The following TYRO3 variants were observed in gnomAD, a reference collection of about 807,000 sequenced individuals.
The protein encoded by TYRO3 is tyrosine-protein kinase receptor TYRO3.
A neutral mutation model predicts 95.2 loss-of-function variants in TYRO3; 38 were observed. That is an observed-to-expected ratio of 0.40 (90% CI 0.31 to 0.52). The LOEUF (loss-of-function observed/expected upper bound fraction) is 0.52. Ranked by LOEUF, TYRO3 falls within the 20% of genes least tolerant of loss-of-function variation. The pLI, the probability that TYRO3 is intolerant of heterozygous loss-of-function variation, is 0.56. For missense variants in TYRO3, 812 were observed against 1,116.4 expected (o/e 0.73, Z 3.89); for synonymous variants, 367 against 432.9 (o/e 0.85, Z 1.89).
rs1356280228 is a variant in TYRO3, at chr15:41,581,381, T to G, written c.*3105T>G. On this transcript the variant is annotated 3_prime_UTR_variant, in exon 19 of 19. Coordinates refer to ENST00000263798, the MANE Select transcript of TYRO3 (RefSeq NM_006293.4). ...AAAGCAAATATCCTGAAAAACCTGT[T>G]GCTGGTACTCCAAATTCTGGTTCCC... The G allele has an allele frequency of 6.5e-6, 1 of 153,260 alleles. No homozygotes were observed. The highest frequency in any genetic ancestry group is 6.6e-5 in the Admixed American group (1 of 15,266). The allele number at this position is 153,260 out of a possible 1,614,324, so 9.5% of individuals were successfully genotyped here. A position where few individuals can be genotyped will look rare whatever the true frequency, so the allele number is the denominator to read the frequency against.
At chr15:41,561,940 GC>G in intron 3 of TYRO3, 1 of 281,366 alleles carries the variant, frequency 3.6e-6, no homozygotes, top group Non-Finnish European at 6.8e-6. Flanking sequence ...AAGTGGCCTG[GC>G]CAGCAGGGGG....
chr15:41,570,132 A>C lies in TYRO3; in HGVS notation c.1358A>C (p.Lys453Thr), dbSNP rs2055775844. 5.0e-6 allele frequency: 8 copies of C among 1,614,212 alleles called. No individual in the cohort carries two copies. The highest frequency in any genetic ancestry group is 1.3e-5 in the African/African-American group (1 of 75,052). ...AAALALILLR[K>T]RRKETRFGQA... ...GCCCTGGCCCTCATCCTGCTTCGAA[A>C]GAGACGGAAAGAGACGCGGTTTGGG... The change falls in exon 10 of 19, where the codon AAG (lysine) becomes ACG (threonine). Residue 453 changes from lysine (K) to threonine (T), a missense_variant. Physicochemically the swap from Lys to Thr is moderately conservative, Grantham distance 78. Transcript: ENST00000263798.
At position 41,570,341 on chromosome 15, in the gene TYRO3, G is replaced by A; in HGVS notation, c.1483+1G>A. ...AGGCCCGAGCGCATCGAGGCCACAT[G>A]TGAGTGGTGGGTGATCGTGGGAAGG... On this transcript the variant is annotated splice_donor_variant, in intron 11 of 18. Transcript: ENST00000263798. LOFTEE classifies it high-confidence loss of function. The A allele has an allele frequency of 9.7e-7, 1 of 1,030,140 alleles. No homozygotes were observed. The highest frequency in any genetic ancestry group is 1.5e-6 in the Non-Finnish European group (1 of 685,570). 63.8% of individuals were successfully genotyped at this position (1,030,140 alleles called of 1,614,324 possible).
intron 18 of TYRO3, chr15:41,574,784 AT>A (rs2055840963): frequency 2.2e-6 from 1 of 453,524 alleles, no homozygotes; most frequent in African/African-American, 2.0e-5. Flanking sequence ...CAGTGGCGTG[AT>A]CTCTGCTTAC....
chr15:41,577,913 T>G lies in TYRO3; in HGVS notation c.2310T>G (p.Ser770Arg). ...ATGATCTCATGTACCAGTGCTGGAGTGCTGACCCCAAGCAGCGCCCGAGCT... is the reference window on the plus strand; with the variant it reads ...ATGATCTCATGTACCAGTGCTGGAGGGCTGACCCCAAGCAGCGCCCGAGCT... Reference protein sequence around the residue: ...DVYDLMYQCWSADPKQRPSFT... With the variant: ...DVYDLMYQCWRADPKQRPSFT... Residue 770 changes from serine (S) to arginine (R), a missense_variant, in exon 19 of 19, where the codon AGT (serine) becomes AGG (arginine). Coordinates refer to ENST00000263798, the MANE Select transcript of TYRO3 (RefSeq NM_006293.4). 3 of 1,612,610 alleles carry G rather than the reference T, an allele frequency of 1.9e-6. No individual in the cohort carries two copies. The highest frequency in any genetic ancestry group is 2.5e-6 in the Non-Finnish European group (3 of 1,180,016).
At position 41,562,530 on chromosome 15, in the gene TYRO3, A is replaced by T. The variant is rs537089706; in HGVS notation, c.410-18A>T. Reference sequence around the variant, plus strand: ...CAAGAGGTGGCAGGGCTCACTCCTCACTCCCCTTCTCTCCTAGGTGTGCCA... The same window carrying T: ...CAAGAGGTGGCAGGGCTCACTCCTCTCTCCCCTTCTCTCCTAGGTGTGCCA... On this transcript the variant is annotated intron_variant, in intron 3 of 18. Transcript: ENST00000263798. 6.6e-7 allele frequency: 1 copy of T among 1,506,286 alleles called. No homozygotes were observed. The highest frequency in any genetic ancestry group is 1.4e-5 in the African/African-American group (1 of 72,012). The allele number at this position is 1,506,286 out of a possible 1,614,324, so 93.3% of individuals were successfully genotyped here. A position where few individuals can be genotyped will look rare whatever the true frequency, so the allele number is the denominator to read the frequency against.
Position 41,573,772 on chromosome 15 carries a change from G to A in TYRO3, c.2239G>A (p.Gly747Ser). The change falls in exon 18 of 19, where the codon GGC becomes AGC. Residue 747 changes from glycine to serine, a missense_variant. Transcript: ENST00000263798. ...CGCTGAGATTTACAACTACCTCATT[G>A]GCGGGAACCGCCTGAAACAGCCTCC... ...ENAEIYNYLI[G>S]GNRLKQPPEC... 6.2e-7 allele frequency: 1 copy of A among 1,614,276 alleles called. No individual in the cohort carries two copies. The highest frequency in any genetic ancestry group is 1.7e-5 in the Admixed American group (1 of 60,030).
At chr15:41,564,508 TGGGAGGGAGGGAAGGA>T (rs1011618591) in intron 5 of TYRO3, among the ~76,000 whole-genome samples, 1 of 151,938 alleles carries the variant, frequency 6.6e-6, no homozygotes, top group Admixed American at 6.6e-5. Context: ...GCAGAGTCCT[TGGGAGGGAGGGAAGGA>T]GGGAGGGAGG....
chr15:41,573,805 A>G lies in TYRO3; in HGVS notation c.2272A>G (p.Met758Val). The change falls in exon 18 of 19, where the codon ATG (methionine) becomes GTG (valine). Residue 758 changes from methionine to valine, a missense_variant. By Grantham distance (21) the Met-to-Val change is conservative. Coordinates refer to ENST00000263798, the MANE Select transcript of TYRO3 (RefSeq NM_006293.4). ...GNRLKQPPEC[M>V]EDVYDLMYQC... is the part of the protein sequence containing the mutation. Reference sequence around the variant, plus strand: ...CCGCCTGAAACAGCCTCCGGAGTGTATGGAGGACGTGTGAGTATCCTGGGA... The same window carrying G: ...CCGCCTGAAACAGCCTCCGGAGTGTGTGGAGGACGTGTGAGTATCCTGGGA... The G allele has an allele frequency of 1.2e-6, 2 of 1,614,190 alleles. No individual in the cohort carries two copies. The highest frequency in any genetic ancestry group is 1.7e-6 in the Non-Finnish European group (2 of 1,180,044).
intron 1 of TYRO3, among the ~76,000 whole-genome samples, chr15:41,560,397 G>GTGTGTGTGTA (rs1160551153): frequency 8.1e-6 from 1 of 123,728 alleles, no homozygotes; most frequent in Non-Finnish European, 1.6e-5. Context: ...GCGTGTATGT[G>GTGTGTGTGTA]TGTGTGTGTG....
intron 1 of TYRO3, among the ~76,000 whole-genome samples, chr15:41,560,346 C>A (rs777727706): frequency 1.4e-4 from 21 of 151,402 alleles, no homozygotes; most frequent in Non-Finnish European, 2.4e-4. Context: ...TTGACCTGCC[C>A]CTCTCTCTGC....
At chr15:41,566,458 A>G (rs2055725987) in intron 6 of TYRO3, among the ~76,000 whole-genome samples, 1 of 151,946 alleles carries the variant, frequency 6.6e-6, no homozygotes, top group African/African-American at 2.4e-5. Context: ...CCTCACTGCC[A>G]CACTATACTA....
At chr15:41,562,423 C>G in intron 3 of TYRO3, 125 bp from the exon 4 acceptor site, 1 of 946,110 alleles carries the variant, frequency 1.1e-6, no homozygotes, top group South Asian at 1.9e-5. Flanking sequence ...CTGCTGTTGA[C>G]CTAATCATAA....
chr15:41,562,757 G>A lies in TYRO3; in HGVS notation c.580+39G>A, dbSNP rs899840239. 10 of 1,575,458 alleles carry A rather than the reference G, an allele frequency of 6.3e-6. No homozygotes were observed. In the African/African-American group the frequency reaches 1.3e-4, roughly 21 times the overall value. On this transcript the variant is annotated intron_variant, in intron 4 of 18. Transcript: ENST00000263798. ...GAAGGGGGCTGGGAGTGGAGAAGGA[G>A]CTGGGTCCTGGAGGGCACTGAAGCT...
intron 6 of TYRO3, among the ~76,000 whole-genome samples, chr15:41,565,945 G>A (rs2055718256): frequency 6.6e-6 from 1 of 152,128 alleles, no homozygotes; most frequent in African/African-American, 2.4e-5. Flanking sequence ...GCCATTTAAT[G>A]AGTACCTTTC....
At chr15:41,572,678 TGGGAGTAGGA>T in intron 15 of TYRO3, 114 bp downstream of exon 15, 1 of 1,344,980 alleles carries the variant, frequency 7.4e-7, no homozygotes, top group Non-Finnish European at 1.0e-6. Context: ...TGGAGCTGGG[TGGGAGTAGGA>T]GGGGTCTGAG....
chr15:41,561,050 T>G, intron 1 of TYRO3, 77 bp from the exon 2 acceptor site: 1 of 1,423,988 alleles, frequency 7.0e-7, no homozygotes, highest in African/African-American at 1.5e-5. Flanking sequence ...AGAAGCTACC[T>G]TCTAGAAGAG....
intron 1 of TYRO3, among the ~76,000 whole-genome samples, chr15:41,560,567 C>T (rs2055640596): frequency 6.6e-6 from 1 of 152,156 alleles, no homozygotes; most frequent in Non-Finnish European, 1.5e-5. Context: ...CTCGCCCCTG[C>T]CCACATTCAG....
chr15:41,560,519 G>A (rs1262910668), intron 1 of TYRO3, among the ~76,000 whole-genome samples: 2 of 151,772 alleles, frequency 1.3e-5, no homozygotes, highest in Non-Finnish European at 2.9e-5. Flanking sequence ...CCCTGCTCAG[G>A]GCCCCAGCCC....
Sources: allele counts gnomAD v4.1 joint callset (sites outside exome capture counted in the v4.1 genomes callset), GRCh38; gene constraint gnomAD v4.1.1; transcripts MANE v1.5; gene names NCBI Gene and HGNC (gene_info 2026-07-23, HGNC 2026-07-21).